Variants in UBXN11 observed in about 807,000 individuals in gnomAD.
UBXN11 encodes UBX domain protein 11, also known as UBX domain-containing protein 11.
UBXN11 carries 47 observed loss-of-function variants against 62.8 expected under a neutral mutation model. The observed-to-expected ratio is 0.75, with a 90% CI of 0.59 to 0.95. The LOEUF (loss-of-function observed/expected upper bound fraction) is 0.95. Ranked by LOEUF, UBXN11 falls within the 40% of genes least tolerant of loss-of-function variation. The pLI, the probability that UBXN11 is intolerant of heterozygous loss-of-function variation, is 0.00. For missense variants in UBXN11, 638 were observed against 661.7 expected (o/e 0.96, Z 0.39); for synonymous variants, 294 against 267.0 (o/e 1.10, Z -0.99).
intron 12 of UBXN11, among the ~76,000 whole-genome samples, chr1:26,283,525 A>T (rs1453793321): frequency 6.6e-6 from 1 of 152,168 alleles, no homozygotes; most frequent in Non-Finnish European, 1.5e-5. Flanking sequence ...GAACATTTCA[A>T]CAGGGAAGGC....
intron 8 of UBXN11, among the ~76,000 whole-genome samples, chr1:26,288,230 A>G (rs1231645065): frequency 6.6e-6 from 1 of 152,078 alleles, no homozygotes; most frequent in Non-Finnish European, 1.5e-5. Flanking sequence ...TCCTAATTCA[A>G]TGCTCCTGCC....
chr1:26,317,499 C>T (rs535914953), intron 1 of UBXN11, among the ~76,000 whole-genome samples: 220 of 152,300 alleles, frequency 1.4e-3, no homozygotes, highest in Non-Finnish European at 2.7e-3. Context: ...CTATCCCAGC[C>T]CTTCTCCTTC....
intron 10 of UBXN11, 125 bp from the exon 11 acceptor site, chr1:26,284,607 G>T: frequency 7.1e-7 from 1 of 1,409,114 alleles, no homozygotes; most frequent in Non-Finnish European, 9.3e-7. Context: ...TTTTACATAT[G>T]AGGAAACCCA....
rs1240428384 is a variant in UBXN11, at chr1:26,284,151, G to A, written c.1068C>T (p.Asp356=). 6.2e-7 allele frequency: 1 copy of A among 1,609,560 alleles called. No individual in the cohort carries two copies. Reference sequence around the variant, plus strand: ...TTAGCATTGGCCTCACCTGCAAGGTGTCCCTGATGGGGCCCCGGATGTCAA... The same window carrying A: ...TTAGCATTGGCCTCACCTGCAAGGTATCCCTGATGGGGCCCCGGATGTCAA... ...EVIDIRGPIR[D]TLQNCCPLPA... is the part of the protein sequence containing the mutation. The change falls in exon 12 of 15, where the codon GAC becomes GAT. Residue 356 remains aspartate (D), a synonymous_variant. Transcript: ENST00000374222.
intron 1 of UBXN11, among the ~76,000 whole-genome samples, chr1:26,317,147 A>G (rs953941085): frequency 4.6e-5 from 7 of 151,874 alleles, no homozygotes; most frequent in African/African-American, 1.7e-4. Flanking sequence ...AGGCCAAGGC[A>G]GGATAATTGC....
chr1:26,284,236 A>G lies in UBXN11; in HGVS notation c.983T>C (p.Met328Thr), dbSNP rs776520611. The change falls in exon 12 of 15, where the codon ATG becomes ACG. Residue 328 changes from methionine (M) to threonine (T), a missense_variant. Met to Thr is a moderately conservative substitution (Grantham distance 81). Transcript: ENST00000374222. Reference protein sequence around the residue: ...DRVEEHPGSRMTAEKFLNRLP... With the variant: ...DRVEEHPGSRTTAEKFLNRLP... ...CCTGTTCAGAAATTTCTCAGCAGTC[A>G]TCCTGGAGCCTACAGGCAGAGTTGG... 8.7e-6 allele frequency: 14 copies of G among 1,612,154 alleles called. No individual in the cohort carries two copies. Among genetic ancestry groups the G allele is most frequent in the Non-Finnish European group, 1.2e-5 (14 of 1,178,942 alleles).
rs1391293150 is a variant in UBXN11, at chr1:26,282,935, G to T, written c.1080C>A (p.Asn360Lys). The T allele has an allele frequency of 1.2e-6, 2 of 1,614,100 alleles. No homozygotes were observed. The highest frequency in any genetic ancestry group is 1.7e-6 in the Non-Finnish European group (2 of 1,180,052). The part of the protein sequence containing the change: ...IRGPIRDTLQ[N>K]CCPLPARIQE... Reference sequence around the variant, plus strand: ...GGATCCGGGCAGGCAATGGGCAGCAGTTCTGGAAGGTATCAGTGGAGGGTG... The same window carrying T: ...GGATCCGGGCAGGCAATGGGCAGCATTTCTGGAAGGTATCAGTGGAGGGTG... The change falls in exon 13 of 15, where the codon AAC becomes AAA. Residue 360 changes from asparagine (N) to lysine (K), a missense_variant and splice_region_variant. Coordinates refer to ENST00000374222, the MANE Select transcript of UBXN11 (RefSeq NM_001389556.1).
At chr1:26,301,939 T>C (rs1353005433) in intron 2 of UBXN11, among the ~76,000 whole-genome samples, 1 of 151,768 alleles carries the variant, frequency 6.6e-6, no homozygotes, top group African/African-American at 2.4e-5. Context: ...TGGAGAAGGA[T>C]GGGGAAGGGG....
Position 26,294,424 on chromosome 1 carries a change from A to C in UBXN11, c.433-93T>G, listed in dbSNP as rs572762176. The C allele has an allele frequency of 8.2e-5, 126 of 1,540,392 alleles. 2 individuals are homozygous for C. In the South Asian group the frequency reaches 1.4e-3, roughly 17 times the overall value. ...AGCCCAAAGCCCAGCCTCAGTCTGC[A>C]GGCAATGGGGCCCCCAGAGCTGACC... is the stretch of plus-strand genomic sequence containing the variant. On this transcript the variant is annotated intron_variant, in intron 7 of 14. Transcript: ENST00000374222.
chr1:26,285,733 C>A, intron 9 of UBXN11, 90 bp downstream of exon 9: 10 of 1,485,056 alleles, frequency 6.7e-6, no homozygotes, highest in Non-Finnish European at 8.1e-6. Context: ...GGAGGGCAGG[C>A]TGGGCCTGGG....
chr1:26,284,210 G>A lies in UBXN11; in HGVS notation c.1009C>T (p.Leu337Phe). Reference protein sequence around the residue: ...RMTAEKFLNRLPKFVIRQGEV... With the variant: ...RMTAEKFLNRFPKFVIRQGEV... ...CCTTGCCGGATCACAAACTTGGGGA[G>A]CCTGTTCAGAAATTTCTCAGCAGTC... is the stretch of plus-strand genomic sequence containing the variant. The change falls in exon 12 of 15, where the codon CTC (leucine) becomes TTC (phenylalanine). Residue 337 changes from leucine to phenylalanine, a missense_variant. Physicochemically the swap from Leu to Phe is conservative, Grantham distance 22. Transcript: ENST00000374222. The A allele has an allele frequency of 1.2e-6, 2 of 1,613,024 alleles. No individual in the cohort carries two copies. The highest frequency in any genetic ancestry group is 1.7e-6 in the Non-Finnish European group (2 of 1,179,492).
intron 7 of UBXN11, among the ~76,000 whole-genome samples, chr1:26,295,025 G>A (rs540061594): frequency 3.9e-5 from 6 of 151,944 alleles, no homozygotes; most frequent in African/African-American, 1.5e-4. Flanking sequence ...CCATCCACAC[G>A]CTCTCCCAAA....
chr1:26,312,839 C>T (rs186542962), intron 1 of UBXN11, among the ~76,000 whole-genome samples: 44 of 151,194 alleles, frequency 2.9e-4, no homozygotes, highest in African/African-American at 9.5e-4. Context: ...ATTAGCTGGG[C>T]GTGTTGGCAT....
At chr1:26,294,716 T>C (rs2124653220) in intron 7 of UBXN11, among the ~76,000 whole-genome samples, 1 of 152,268 alleles carries the variant, frequency 6.6e-6, no homozygotes, top group Admixed American at 6.5e-5. Context: ...GTGAACCATG[T>C]GCCAGCCTCC....
rs113730555 is a variant in UBXN11 at position 26,284,426 on chromosome 1, G to A, written c.909C>T (p.Gly303=). Residue 303 remains glycine (G), a synonymous_variant, in exon 11 of 15, where the codon GGC becomes GGT. Transcript: ENST00000374222. ...GCTGCCTGCCCACCACACGGCCCTC[G>A]CCTGGGAAGGGGTCCAGTCCATCCT... ...YLEDGLDPFP[G]EGRVVGRQLM... 1.5e-5 allele frequency: 25 copies of A among 1,613,780 alleles called. No homozygotes were observed. The African/African-American group carries it at 1.9e-4, about 12-fold the overall frequency.
chr1:26,314,282 C>T (rs1289810301), intron 1 of UBXN11, among the ~76,000 whole-genome samples: 1 of 151,932 alleles, frequency 6.6e-6, no homozygotes, highest in Non-Finnish European at 1.5e-5. Flanking sequence ...CTGTTGTTTC[C>T]TGTTTACTCT....
At position 26,282,694 on chromosome 1, in the gene UBXN11, GGCT is replaced by G. The variant is rs1373770766; in HGVS notation, c.1244_1246del (p.Gln415del). On this transcript the variant is annotated inframe_deletion, in exon 14 of 15. Coordinates refer to ENST00000374222, the MANE Select transcript of UBXN11 (RefSeq NM_001389556.1). ...TCGCACGTCCCCAATGGTGTTGTCA[GGCT>G]GCATCATCAGTAGGAAGGCCTGTTC... is the stretch of plus-strand genomic sequence containing the variant. The G allele has an allele frequency of 1.9e-6, 3 of 1,614,060 alleles. No individual in the cohort carries two copies. The African/African-American group carries it at 4.0e-5, about 22-fold the overall frequency.
At chr1:26,296,532 C>T (rs562229958) in intron 7 of UBXN11, among the ~76,000 whole-genome samples, 1 of 152,272 alleles carries the variant, frequency 6.6e-6, no homozygotes, top group East Asian at 1.9e-4. Flanking sequence ...GGAAGCAGCT[C>T]CATGAGGTCA....
At chr1:26,317,985 T>C in intron 1 of UBXN11, 1 of 1,609,104 alleles carries the variant, frequency 6.2e-7, no homozygotes, top group Non-Finnish European at 8.5e-7. Context: ...CCTAAAAAGC[T>C]GCTACCAAGA....
Sources: allele counts gnomAD v4.1 joint callset (sites outside exome capture counted in the v4.1 genomes callset), GRCh38; gene constraint gnomAD v4.1.1; transcripts MANE v1.5; gene names NCBI Gene and HGNC (gene_info 2026-07-23, HGNC 2026-07-21).